SLITRK2: variants seen among roughly 807,000 people sequenced by gnomAD.
The protein encoded by SLITRK2 is SLIT and NTRK-like protein 2.
Under a neutral mutation model 35.4 loss-of-function variants are expected in SLITRK2, and 13 were observed. The observed-to-expected ratio is 0.37, with a 90% CI of 0.24 to 0.58. SLITRK2 has a LOEUF of 0.58. Ranked by LOEUF, SLITRK2 falls within the 20% of genes least tolerant of loss-of-function variation. The probability of loss-of-function intolerance (pLI) is 0.75; values close to 1 mark genes in which losing one functional copy is unlikely to be tolerated. For synonymous variants in SLITRK2, 294 were observed against 264.7 expected, an observed-to-expected ratio of 1.11 and a Z score of -1.07; for missense variants, 471 against 634.3, an observed-to-expected ratio of 0.74 and a Z score of 2.76.
chrX:145,825,168 CCTTT>C lies in SLITRK2; in HGVS notation c.*206_*209del. The C allele has an allele frequency of 3.6e-6, 1 of 280,072 alleles. No homozygotes were observed. The highest frequency in any genetic ancestry group is 5.8e-6 in the Non-Finnish European group (1 of 173,339). The allele number at this position is 280,072 out of a possible 1,213,427, so 23.1% of individuals were successfully genotyped here. On this transcript the variant is annotated 3_prime_UTR_variant, in exon 5 of 5. Transcript: ENST00000335565. Reference sequence around the variant, plus strand: ...TATTTCTCTCTCGCTCTCCTCCCCTCCTTTTTTTTTTTTTTTTTTTTTTCTTTTT... The same window carrying C: ...TATTTCTCTCTCGCTCTCCTCCCCTCTTTTTTTTTTTTTTTTTTTCTTTTT...
At position 145,824,948 on chromosome X, in the gene SLITRK2, A is replaced by C. The variant is rs977057220; in HGVS notation, c.2523A>C (p.Ala841=). The C allele has an allele frequency of 1.7e-6, 2 of 1,208,666 alleles. No homozygotes were observed. Among genetic ancestry groups the C allele is most frequent in the Admixed American group, 2.2e-5 (1 of 45,719 alleles). The change falls in exon 5 of 5, where the codon GCA becomes GCC. Residue 841 remains alanine (A), a synonymous_variant. Transcript: ENST00000335565. ...TCGAAGTTCTGGAAAAACAAACTGC[A>C]ATCAGTCAGCTGTGAAGGGAAATCA... ...DYLEVLEKQT[A]ISQL
In SLITRK2 at chrX:145,824,245, G is replaced by A. The variant is rs1182392672; in HGVS notation, c.1820G>A (p.Ser607Asn). Residue 607 changes from serine (S) to asparagine (N), a missense_variant, in exon 5 of 5, where the codon AGT (serine) becomes AAT (asparagine). By Grantham distance (46) the Ser-to-Asn change is conservative. This residue lies in a region of SLITRK2 where 190 missense variants were observed against 199.3 expected (regional missense o/e 0.95). Transcript: ENST00000335565. ...CCTCGGTCGCTTAGTGTGTCTCCTA[G>A]TTCCTATCCTGAACTACACACTGAA... is the stretch of plus-strand genomic sequence containing the variant. ...DTPRSLSVSP[S>N]SYPELHTEVP... The A allele has an allele frequency of 8.3e-7, 1 of 1,211,257 alleles. No homozygotes were observed. The highest frequency in any genetic ancestry group is 1.8e-5 in the South Asian group (1 of 56,942).
At chrX:145,822,337 T>A (rs2073034967) in intron 4 of SLITRK2, 46 bp from the exon 5 acceptor site, 1 of 838,131 alleles carries the variant, frequency 1.2e-6, no homozygotes, top group African/African-American at 2.1e-5. Context: ...GGCTTCCTTG[T>A]TTCTTTCTTC....
Position 145,828,156 on chromosome X carries a change from T to TTA in SLITRK2, c.*3193_*3194insTA. On this transcript the variant is annotated 3_prime_UTR_variant, in exon 5 of 5. Coordinates refer to ENST00000335565, the MANE Select transcript of SLITRK2 (RefSeq NM_032539.5). The stretch of plus-strand genomic sequence containing the variant: ...AATTGCTAAGAGCCTAATTTGGTTC[T>TTA]GGACTATGGTCAACCTGTGTGCCTT... 1.9e-6 allele frequency: 1 copy of TTA among 525,230 alleles called. No homozygotes were observed. The highest frequency in any genetic ancestry group is 3.0e-6 in the Non-Finnish European group (1 of 337,662). The allele number at this position is 525,230 out of a possible 1,213,427, so 43.3% of individuals were successfully genotyped here.
chrX:145,827,425 T>G lies in SLITRK2; in HGVS notation c.*2462T>G, dbSNP rs1459872118. The G allele has an allele frequency of 1.7e-5, 4 of 230,084 alleles. No homozygotes were observed. Among genetic ancestry groups the G allele is most frequent in the Admixed American group, 6.6e-5 (1 of 15,195 alleles). 19.0% of individuals were successfully genotyped at this position (230,084 alleles called of 1,213,427 possible). ...TCTTGATGCAGTGATTCCACTTCAG[T>G]GTTCATTTTTATTTTTCTGAAAGTA... On this transcript the variant is annotated 3_prime_UTR_variant, in exon 5 of 5. Coordinates refer to ENST00000335565, the MANE Select transcript of SLITRK2 (RefSeq NM_032539.5).
rs2073091221 is a variant in SLITRK2 at position 145,824,670 on chromosome X, C to T, written c.2245C>T (p.Pro749Ser). The change falls in exon 5 of 5, where the codon CCA becomes TCA. Residue 749 changes from proline to serine, a missense_variant. Pro to Ser is a moderately conservative substitution (Grantham distance 74). Coordinates refer to ENST00000335565, the MANE Select transcript of SLITRK2 (RefSeq NM_032539.5). ...TGAGCTGCTAGAAAAGCAGGCCACACCAAGAGAGCCTGAGCTGCTGTATCA... is the reference window on the plus strand; with the variant it reads ...TGAGCTGCTAGAAAAGCAGGCCACATCAAGAGAGCCTGAGCTGCTGTATCA... ...ATELLEKQAT[P>S]REPELLYQNI... 8.3e-7 allele frequency: 1 copy of T among 1,211,611 alleles called. No homozygotes were observed. The highest frequency in any genetic ancestry group is 1.1e-6 in the Non-Finnish European group (1 of 895,503).
Position 145,824,892 on chromosome X carries a change from C to G in SLITRK2, c.2467C>G (p.Gln823Glu), listed in dbSNP as rs782492021. The change falls in exon 5 of 5, where the codon CAA becomes GAA. Residue 823 changes from glutamine (Q) to glutamate (E), a missense_variant. Coordinates refer to ENST00000335565, the MANE Select transcript of SLITRK2 (RefSeq NM_032539.5). ...GQSKPNHPLLQAKPQSEPDYL... is the reference protein window; with the variant it reads ...GQSKPNHPLLEAKPQSEPDYL... ...GTCAAAACCCAACCACCCTTTACTG[C>G]AAGCTAAGCCGCAATCAGAACCGGA... 8.3e-7 allele frequency: 1 copy of G among 1,211,330 alleles called. No individual in the cohort carries two copies.
Position 145,826,133 on chromosome X carries a change from G to T in SLITRK2, c.*1170G>T, listed in dbSNP as rs1255706526. ...AGACATATGAGCCATTAAAGACCTCGAAGGAAGACTTCATGGGTGAGATTA... is the reference window on the plus strand; with the variant it reads ...AGACATATGAGCCATTAAAGACCTCTAAGGAAGACTTCATGGGTGAGATTA... On this transcript the variant is annotated 3_prime_UTR_variant, in exon 5 of 5. Transcript: ENST00000335565. The T allele has an allele frequency of 9.0e-6, 1 of 111,531 alleles. No individual in the cohort carries two copies. Among genetic ancestry groups the T allele is most frequent in the African/African-American group, 3.3e-5 (1 of 30,714 alleles). 9.2% of individuals were successfully genotyped at this position (111,531 alleles called of 1,213,427 possible). A position where few individuals can be genotyped will look rare whatever the true frequency, so the allele number is the denominator to read the frequency against.
At position 145,823,844 on chromosome X, in the gene SLITRK2, A is replaced by G. The variant is rs2124185421; in HGVS notation, c.1419A>G (p.Leu473=). The G allele has an allele frequency of 8.3e-7, 1 of 1,210,496 alleles. No individual in the cohort carries two copies. The highest frequency in any genetic ancestry group is 1.1e-6 in the Non-Finnish European group (1 of 894,938). The change falls in exon 5 of 5, where the codon CTA becomes CTG. Residue 473 remains leucine (L), a synonymous_variant. Coordinates refer to ENST00000335565, the MANE Select transcript of SLITRK2 (RefSeq NM_032539.5). ...TGACCTTTGATGCTTTGATTAACCT[A>G]CAGCTACTGTTTCTGAACAACAACC... The part of the protein sequence containing the change: ...KPLTFDALIN[L]QLLFLNNNLL...
At position 145,822,730 on chromosome X, in the gene SLITRK2, G is replaced by T; in HGVS notation, c.305G>T (p.Arg102Leu). 8.3e-7 allele frequency: 1 copy of T among 1,211,068 alleles called. No homozygotes were observed. Among genetic ancestry groups the T allele is most frequent in the Non-Finnish European group, 1.1e-6 (1 of 895,290 alleles). Residue 102 changes from arginine to leucine, a missense_variant, in exon 5 of 5, where the codon CGA becomes CTA. Arg to Leu is a moderately radical substitution (Grantham distance 102, BLOSUM62 -2). Coordinates refer to ENST00000335565, the MANE Select transcript of SLITRK2 (RefSeq NM_032539.5). The stretch of plus-strand genomic sequence containing the variant: ...GGTAACAACGGGTTACAGGAGATCC[G>T]AACGGGGGCATTCAGTGGCCTGAAA... ...HLGNNGLQEI[R>L]TGAFSGLKTL...
rs1556944934 is a variant in SLITRK2 at position 145,824,486 on chromosome X, T to C, written c.2061T>C (p.Tyr687=). Residue 687 remains tyrosine (Y), a synonymous_variant, in exon 5 of 5, where the codon TAT becomes TAC. Transcript: ENST00000335565. ...HDKTDGHVYN[Y]IPPPVGQMCQ... is the part of the protein sequence containing the mutation. ...AAACAGACGGCCATGTCTACAACTA[T>C]ATCCCCCCACCTGTGGGTCAGATGT... 4.1e-6 allele frequency: 5 copies of C among 1,211,346 alleles called. No homozygotes were observed. Among genetic ancestry groups the C allele is most frequent in the Non-Finnish European group, 5.6e-6 (5 of 895,434 alleles).
rs2124229681 is a variant in SLITRK2, at chrX:145,828,731, A to C, written c.*3768A>C. ...TAAGTTTTTAAAGGTGATTCTGTGC[A>C]GTAAGGTATAAAACAGATATATAAT... On this transcript the variant is annotated 3_prime_UTR_variant, in exon 5 of 5. Coordinates refer to ENST00000335565, the MANE Select transcript of SLITRK2 (RefSeq NM_032539.5). 1 of 123,442 alleles carries C rather than the reference A, an allele frequency of 8.1e-6. No individual in the cohort carries two copies. The highest frequency in any genetic ancestry group is 3.2e-5 in the African/African-American group (1 of 30,882). 10.2% of individuals were successfully genotyped at this position (123,442 alleles called of 1,213,427 possible). A position where few individuals can be genotyped will look rare whatever the true frequency, so the allele number is the denominator to read the frequency against.
At position 145,822,143 on chromosome X, in the gene SLITRK2, C is replaced by CGG; in HGVS notation, c.-52_-51dup. On this transcript the variant is annotated 5_prime_UTR_variant, in exon 4 of 5. The change creates a premature stop within an existing upstream ORF in the 5' untranslated region. Coordinates refer to ENST00000335565, the MANE Select transcript of SLITRK2 (RefSeq NM_032539.5). ...GACTTGGCGGCTGGCTGCGACCCCCCGGGAAATCAGGTGCAAGCATGTGTG... is the reference window on the plus strand; with the variant it reads ...GACTTGGCGGCTGGCTGCGACCCCCCGGGGGAAATCAGGTGCAAGCATGTGTG... The CGG allele has an allele frequency of 3.3e-6, 1 of 306,876 alleles. No homozygotes were observed. The highest frequency in any genetic ancestry group is 5.6e-6 in the Non-Finnish European group (1 of 177,757). The allele number at this position is 306,876 out of a possible 1,213,427, so 25.3% of individuals were successfully genotyped here. A position where few individuals can be genotyped will look rare whatever the true frequency, so the allele number is the denominator to read the frequency against.
At chrX:145,822,181 G>C (rs1359219066) in intron 4 of SLITRK2, 28 bp downstream of exon 4, 22 of 362,396 alleles carry the variant, frequency 6.1e-5, no homozygotes, top group Non-Finnish European at 6.1e-5. Flanking sequence ...CCCGGGGCGC[G>C]TGTGTGGGTG....
At chrX:145,821,962 AT>A (rs2124141813) in intron 3 of SLITRK2, 42 bp from the exon 4 acceptor site, 1 of 107,823 alleles carries the variant, frequency 9.3e-6, no homozygotes, top group African/African-American at 3.7e-5. Context: ...CTGATTCCTG[AT>A]TTTCCCACCC....
At chrX:145,821,125 T>TCACA (rs1217882056) in intron 2 of SLITRK2, 5,522 of 77,219 alleles carry the variant, frequency 0.072, 208 homozygotes, top group Middle Eastern at 0.24. Context: ...TCTCTCTCAC[T>TCACA]CACACACACA....
chrX:145,828,832 A>G lies in SLITRK2; in HGVS notation c.*3869A>G, dbSNP rs2073148980. Reference sequence around the variant, plus strand: ...GAAAAAAAACACCAAAATAAGATAAAATAAAACAAATTTAAACACCAAAAT... The same window carrying G: ...GAAAAAAAACACCAAAATAAGATAAGATAAAACAAATTTAAACACCAAAAT... On this transcript the variant is annotated 3_prime_UTR_variant, in exon 5 of 5. Coordinates refer to ENST00000335565, the MANE Select transcript of SLITRK2 (RefSeq NM_032539.5). 2.4e-5 allele frequency: 3 copies of G among 123,419 alleles called. No individual in the cohort carries two copies. In the Admixed American group the frequency reaches 2.8e-4, roughly 12 times the overall value. The allele number at this position is 123,419 out of a possible 1,213,427, so 10.2% of individuals were successfully genotyped here. A position where few individuals can be genotyped will look rare whatever the true frequency, so the allele number is the denominator to read the frequency against.
chrX:145,822,834 G>C lies in SLITRK2; in HGVS notation c.409G>C (p.Glu137Gln), dbSNP rs1556943941. Residue 137 changes from glutamate to glutamine, a missense_variant, in exon 5 of 5, where the codon GAG becomes CAG. Glu to Gln is a conservative substitution (Grantham distance 29). Transcript: ENST00000335565. The part of the protein sequence containing the change: ...EDTFLGLESL[E>Q]YLQADYNYIS... Reference sequence around the variant, plus strand: ...CACCTTCCTAGGCCTGGAGAGCCTGGAGTATCTCCAGGCCGACTACAATTA... The same window carrying C: ...CACCTTCCTAGGCCTGGAGAGCCTGCAGTATCTCCAGGCCGACTACAATTA... 1 of 1,209,980 alleles carries C rather than the reference G, an allele frequency of 8.3e-7. No individual in the cohort carries two copies. Among genetic ancestry groups the C allele is most frequent in the South Asian group, 1.8e-5 (1 of 56,853 alleles).
rs200149621 is a variant in SLITRK2, at chrX:145,822,411, C to G, written c.-15C>G. 3 of 1,193,587 alleles carry G rather than the reference C, an allele frequency of 2.5e-6. No homozygotes were observed. Among genetic ancestry groups the G allele is most frequent in the Non-Finnish European group, 3.4e-6 (3 of 886,465 alleles). ...TGCCTGTAGGTACCTGAGTTGACACCGAAGGTGCCTAAAGATGCTGAGCGG... is the reference window on the plus strand; with the variant it reads ...TGCCTGTAGGTACCTGAGTTGACACGGAAGGTGCCTAAAGATGCTGAGCGG... On this transcript the variant is annotated 5_prime_UTR_variant, in exon 5 of 5. Transcript: ENST00000335565.
Sources: gnomAD v4.1 joint callset for allele counts on GRCh38, gnomAD v4.1.1 for gene constraint, gnomAD v4.1.1 regional missense constraint, MANE v1.5 for transcripts, NCBI Gene and HGNC (gene_info 2026-07-23, HGNC 2026-07-21) for gene names.